ADGRD1: variants seen among roughly 807,000 people sequenced by gnomAD.
The protein encoded by ADGRD1 is G-protein coupled receptor 133.
A neutral mutation model predicts 113.4 loss-of-function variants in ADGRD1; 77 were observed. The ratio of observed to expected loss-of-function variants is 0.68; its 90% CI spans 0.57 to 0.82. The LOEUF (loss-of-function observed/expected upper bound fraction) is 0.82, where lower values mean the gene tolerates loss of function less well. Among genes scored for constraint, ADGRD1 ranks in the 40% least tolerant of loss-of-function variants. The pLI, the probability that ADGRD1 is intolerant of heterozygous loss-of-function variation, is 0.00. For missense variants in ADGRD1, 1,036 were observed against 1,139.1 expected (o/e 0.91, Z 1.30); for synonymous variants, 474 against 475.0 (o/e 1.00, Z 0.03).
At chr12:131,126,921 GC>G (rs1454978910) in intron 20 of ADGRD1, among the ~76,000 whole-genome samples, 1 of 152,132 alleles carries the variant, frequency 6.6e-6, no homozygotes, top group Non-Finnish European at 1.5e-5. Context: ...AGTGAGGGGG[GC>G]CAGGCCTGAT....
At chr12:131,019,197 C>T (rs1363947419) in intron 13 of ADGRD1, among the ~76,000 whole-genome samples, 1 of 152,238 alleles carries the variant, frequency 6.6e-6, no homozygotes, top group African/African-American at 2.4e-5. Flanking sequence ...CCTCCTTGGT[C>T]ACCCTGACCT....
At chr12:131,071,405 T>C (rs897537581) in intron 13 of ADGRD1, among the ~76,000 whole-genome samples, 2 of 149,374 alleles carry the variant, frequency 1.3e-5, no homozygotes, top group African/African-American at 5.0e-5. Flanking sequence ...GCTAAGTGAG[T>C]GGGGCGAGGC....
chr12:131,051,737 T>C (rs1240822461), intron 13 of ADGRD1, among the ~76,000 whole-genome samples: 1 of 152,208 alleles, frequency 6.6e-6, no homozygotes, highest in Non-Finnish European at 1.5e-5. Flanking sequence ...CCACCTGCCT[T>C]GGCCTCCCAA....
intron 9 of ADGRD1, chr12:131,002,590 G>A: frequency 9.5e-7 from 1 of 1,057,302 alleles, no homozygotes; most frequent in Admixed American, 5.1e-5. Flanking sequence ...ATGTGTGTCT[G>A]AGGATGAGGG....
At chr12:131,122,874 A>G (rs1191399954) in intron 20 of ADGRD1, among the ~76,000 whole-genome samples, 1 of 152,100 alleles carries the variant, frequency 6.6e-6, no homozygotes, top group East Asian at 1.9e-4. Context: ...CCAGGAACCC[A>G]GCACCCCTGT....
intron 4 of ADGRD1, chr12:130,978,961 C>T (rs531546970): frequency 6.6e-6 from 1 of 152,158 alleles, no homozygotes; most frequent in South Asian, 2.1e-4. Context: ...TTCTGTACCC[C>T]TCAGCGCCCA....
intron 13 of ADGRD1, among the ~76,000 whole-genome samples, chr12:131,063,428 T>C (rs1296974667): frequency 2.6e-5 from 4 of 152,254 alleles, no homozygotes; most frequent in African/African-American, 9.6e-5. Context: ...AAAAGTGTTA[T>C]GGTTTTATTT....
intron 18 of ADGRD1, among the ~76,000 whole-genome samples, chr12:131,109,080 G>A (rs1950296345): frequency 6.6e-6 from 1 of 152,138 alleles, no homozygotes; most frequent in South Asian, 2.1e-4. Context: ...CCTTCTTGGT[G>A]CCTCCTAGAG....
intron 3 of ADGRD1, chr12:130,968,909 T>TA: frequency 1.2e-6 from 1 of 857,668 alleles, no homozygotes. Context: ...GGTTGAGAGA[T>TA]ATGTTGGTCC....
chr12:131,088,201 C>G (rs2137233993), intron 15 of ADGRD1, among the ~76,000 whole-genome samples: 1 of 152,258 alleles, frequency 6.6e-6, no homozygotes, highest in Non-Finnish European at 1.5e-5. Context: ...GAAACTGAGC[C>G]CCAGAGAGAG....
At position 131,074,998 on chromosome 12, in the gene ADGRD1, G is replaced by A. The variant is rs75606392; in HGVS notation, c.1474-1803G>A. The stretch of plus-strand genomic sequence containing the variant: ...CTCTTCTCTGCTCCCTTGGGACTGC[G>A]CTTCCACACGTGGGGCAGAGGCGGG... On this transcript the variant is annotated intron_variant, in intron 13 of 24. Coordinates refer to ENST00000261654, the MANE Select transcript of ADGRD1 (RefSeq NM_198827.5). Among the ~76,000 whole-genome samples the A allele has an allele frequency of 3.8e-3, 575 of 152,304 alleles. 1 individual carries two copies. The highest frequency in any genetic ancestry group is 5.2e-3 in the Non-Finnish European group (354 of 68,016).
chr12:131,097,688 G>A (rs1887388244), intron 15 of ADGRD1, among the ~76,000 whole-genome samples: 1 of 152,198 alleles, frequency 6.6e-6, no homozygotes, highest in Non-Finnish European at 1.5e-5. Context: ...TGCCCTGAGG[G>A]GAGACAGGCC....
chr12:131,004,187 G>C lies in ADGRD1; in HGVS notation c.1146G>C (p.Glu382Asp). 1 of 1,610,454 alleles carries C rather than the reference G, an allele frequency of 6.2e-7. No individual in the cohort carries two copies. The highest frequency in any genetic ancestry group is 8.5e-7 in the Non-Finnish European group (1 of 1,176,780). Reference protein sequence around the residue: ...VTVEGSSAMAEFSVAKILPKT... With the variant: ...VTVEGSSAMADFSVAKILPKT... ...GCTCTCTCGCTCCTTCCACCGCAGA[G>C]TTTTCCGTGGCCAAAATCCTGCCCA... The change falls in exon 11 of 25, where the codon GAG (glutamate) becomes GAC (aspartate). Residue 382 changes from glutamate (E) to aspartate (D), a missense_variant and splice_region_variant. By Grantham distance (45) the Glu-to-Asp change is conservative. Transcript: ENST00000261654.
intron 17 of ADGRD1, 106 bp downstream of exon 17, chr12:131,105,971 A>C: frequency 4.0e-6 from 3 of 750,414 alleles, no homozygotes; most frequent in Non-Finnish European, 6.8e-6. Flanking sequence ...TTCAGAACCC[A>C]TCTCCCCAGA....
chr12:131,104,941 C>T lies in ADGRD1; in HGVS notation c.1775+7C>T. 2 of 1,536,976 alleles carry T rather than the reference C, an allele frequency of 1.3e-6. No homozygotes were observed. The highest frequency in any genetic ancestry group is 1.8e-6 in the Non-Finnish European group (2 of 1,135,878). Reference sequence around the variant, plus strand: ...TCACCTTCGCCGTGCTGTCGTGAGTCCCCTTTTCTAATCCACCCAACAGTC... The same window carrying T: ...TCACCTTCGCCGTGCTGTCGTGAGTTCCCTTTTCTAATCCACCCAACAGTC... On this transcript the variant is annotated splice_region_variant and intron_variant, in intron 16 of 24. Transcript: ENST00000261654.
chr12:131,046,866 TCCTCCCTGGTCAGTGCTC>T lies in ADGRD1; in HGVS notation c.1474-29922_1474-29905del, dbSNP rs1171233913. On this transcript the variant is annotated intron_variant, in intron 13 of 24. Transcript: ENST00000261654. ...TGGTCAGTGTCCTCCCTGGTCAGTGTCCTCCCTGGTCAGTGCTCCCTCCCTGGTCAATGCTCCCTCCCT... is the reference window on the plus strand; with the variant it reads ...TGGTCAGTGTCCTCCCTGGTCAGTGTCCTCCCTGGTCAATGCTCCCTCCCT... Among the ~76,000 whole-genome samples the T allele has an allele frequency of 2.0e-3, 263 of 130,730 alleles. 9 individuals carry two copies. The East Asian group carries it at 0.056, about 28-fold the overall frequency. 85.8% of individuals were successfully genotyped at this position (130,730 alleles called of 152,430 possible). A position where few individuals can be genotyped will look rare whatever the true frequency, so the allele number is the denominator to read the frequency against.
chr12:131,080,873 G>A (rs1294203380), intron 14 of ADGRD1, among the ~76,000 whole-genome samples: 1 of 152,182 alleles, frequency 6.6e-6, no homozygotes, highest in Non-Finnish European at 1.5e-5. Flanking sequence ...GCCCGCCTCG[G>A]CCTCCCAAAG....
At chr12:131,117,602 T>G (rs1950498674) in intron 18 of ADGRD1, among the ~76,000 whole-genome samples, 1 of 152,158 alleles carries the variant, frequency 6.6e-6, no homozygotes, top group Non-Finnish European at 1.5e-5. Context: ...CAGGGTCACA[T>G]GCCCATCTTT....
intron 8 of ADGRD1, among the ~76,000 whole-genome samples, chr12:130,997,452 CG>C (rs529365385): frequency 0.013 from 1,865 of 141,556 alleles, 18 homozygotes; most frequent in Non-Finnish European, 0.018. Context: ...TCAGACGGGG[CG>C]GTTGCCAGGC....
Sources: allele counts gnomAD v4.1 joint callset (sites outside exome capture counted in the v4.1 genomes callset), GRCh38; gene constraint gnomAD v4.1.1; transcripts MANE v1.5; gene names NCBI Gene and HGNC (gene_info 2026-07-23, HGNC 2026-07-21).